TNK2: variants seen among roughly 807,000 people sequenced by gnomAD.
TNK2 encodes the protein activated CDC42 kinase 1.
In TNK2, 83 loss-of-function variants were observed where a neutral mutation model predicts 101.8. The ratio of observed to expected loss-of-function variants is 0.82; its 90% CI spans 0.68 to 0.98. TNK2 has a LOEUF of 0.98. Ranked by LOEUF, TNK2 falls within the 50% of genes least tolerant of loss-of-function variation. The probability of loss-of-function intolerance (pLI) is 0.00; values close to 1 mark genes in which losing one functional copy is unlikely to be tolerated. For synonymous variants in TNK2, 804 were observed against 633.0 expected (o/e 1.27, Z -4.06); for missense variants, 1,665 against 1,483.2 (o/e 1.12, Z -2.01).
chr3:195,874,525 A>C (rs1450810481), intron 9 of TNK2, among the ~76,000 whole-genome samples: 1 of 150,796 alleles, frequency 6.6e-6, no homozygotes, highest in East Asian at 2.0e-4. Context: ...ACTCCGAGGC[A>C]CAAGAAACTC....
Position 195,892,500 on chromosome 3 carries a change from G to A in TNK2, c.-18-3894C>T, listed in dbSNP as rs185496525. 3.3e-4 allele frequency: 499 copies of A among 1,535,208 alleles called. 4 individuals are homozygous for A. In the Middle Eastern group the frequency reaches 7.8e-3, roughly 24 times the overall value. ...CGTGCTGCCGGCATCTCCACGCAGCGGGACCCCCCCGAGCAGTCACTGGGG... is the reference window on the plus strand; with the variant it reads ...CGTGCTGCCGGCATCTCCACGCAGCAGGACCCCCCCGAGCAGTCACTGGGG... On this transcript the variant is annotated intron_variant, in intron 1 of 15. Transcript: ENST00000672887.
Position 195,867,728 on chromosome 3 carries a change from G to A in TNK2, c.2570C>T (p.Pro857Leu), listed in dbSNP as rs1741869867. 1 of 1,604,450 alleles carries A rather than the reference G, an allele frequency of 6.2e-7. No homozygotes were observed. The highest frequency in any genetic ancestry group is 8.5e-7 in the Non-Finnish European group (1 of 1,176,576). ...ATCCCGGACGATGGGCAGGATGCAG[G>A]GACCAGCCCGCGGGCCAGGGGCCTG... is the stretch of plus-strand genomic sequence containing the variant. Reference protein sequence around the residue: ...VIQAPGPRAGPCILPIVRDGK... With the variant: ...VIQAPGPRAGLCILPIVRDGK... The change falls in exon 13 of 16, where the codon CCC (proline) becomes CTC (leucine). Residue 857 changes from proline (P) to leucine (L), a missense_variant. Physicochemically the swap from Pro to Leu is moderately conservative, Grantham distance 98 (BLOSUM62 -3). Transcript: ENST00000672887.
At chr3:195,895,614 G>A in intron 1 of TNK2, 1 of 1,293,832 alleles carries the variant, frequency 7.7e-7, no homozygotes, top group Non-Finnish European at 9.8e-7. Flanking sequence ...GCCCCGGGCT[G>A]ACCCCCACCG....
Position 195,879,058 on chromosome 3 carries a change from G to T in TNK2, c.1005C>A (p.Asn335Lys), listed in dbSNP as rs55701110. Residue 335 changes from asparagine to lysine, a missense_variant, in exon 7 of 16, where the codon AAC (asparagine) becomes AAA (lysine). Coordinates refer to ENST00000672887, the MANE Select transcript of TNK2 (RefSeq NM_001382273.1). The part of the protein sequence containing the change: ...TYGQEPWIGL[N>K]GSQILHKIDK... ...GTCTCCCAGCCCTCACCTGACTGCC[G>T]TTGAGGCCGATCCAGGGCTCCTGGC... 6.2e-7 allele frequency: 1 copy of T among 1,613,504 alleles called. No individual in the cohort carries two copies.
At chr3:195,891,631 G>A (rs569874273) in intron 1 of TNK2, among the ~76,000 whole-genome samples, 3 of 151,958 alleles carry the variant, frequency 2.0e-5, no homozygotes, top group East Asian at 1.9e-4. Flanking sequence ...CACGGCCACC[G>A]CTGCCCTGTC....
In TNK2 at chr3:195,885,551, G is replaced by T; in HGVS notation, c.235-518C>A. On this transcript the variant is annotated intron_variant, in intron 3 of 15. Coordinates refer to ENST00000672887, the MANE Select transcript of TNK2 (RefSeq NM_001382273.1). The surrounding 1 kb of genome is among the most constrained non-coding windows in gnomAD (Gnocchi z 4.7). Reference sequence around the variant, plus strand: ...AGTCGGCTGCCCTTCATCCTGCCCAGGGGAGAGGATAATTTTAGTCTGAGG... The same window carrying T: ...AGTCGGCTGCCCTTCATCCTGCCCATGGGAGAGGATAATTTTAGTCTGAGG... 7.7e-7 allele frequency: 1 copy of T among 1,291,210 alleles called. No homozygotes were observed. Among genetic ancestry groups the T allele is most frequent in the Non-Finnish European group, 1.0e-6 (1 of 989,838 alleles). 80.0% of individuals were successfully genotyped at this position (1,291,210 alleles called of 1,614,324 possible).
chr3:195,869,621 G>T, intron 11 of TNK2, 80 bp from the exon 12 acceptor site: 1 of 1,390,226 alleles, frequency 7.2e-7, no homozygotes, highest in Non-Finnish European at 9.9e-7. Context: ...CGGACGAGAG[G>T]GCAGAGTGTA....
intron 1 of TNK2, chr3:195,892,728 C>T: frequency 1.5e-6 from 2 of 1,375,498 alleles, no homozygotes; most frequent in African/African-American, 1.5e-5. Flanking sequence ...CTGTTTCTGT[C>T]TTCTCTCCAG....
chr3:195,888,690 C>G lies in TNK2; in HGVS notation c.-18-84G>C. 1 of 1,337,642 alleles carries G rather than the reference C, an allele frequency of 7.5e-7. No individual in the cohort carries two copies. Among genetic ancestry groups the G allele is most frequent in the Non-Finnish European group, 1.0e-6 (1 of 993,374 alleles). The allele number at this position is 1,337,642 out of a possible 1,614,324, so 82.9% of individuals were successfully genotyped here. A position where few individuals can be genotyped will look rare whatever the true frequency, so the allele number is the denominator to read the frequency against. ...CGAGTGACCTGGGCTCACCTTCATC[C>G]CACTACACGGCCACCCGGAAGGGCT... On this transcript the variant is annotated intron_variant, in intron 1 of 15. Transcript: ENST00000672887. The surrounding 1 kb of genome is among the most constrained non-coding windows in gnomAD (Gnocchi z 5.3).
intron 1 of TNK2, among the ~76,000 whole-genome samples, chr3:195,904,718 A>T (rs572777728): frequency 6.6e-6 from 1 of 152,342 alleles, no homozygotes; most frequent in South Asian, 2.1e-4. Flanking sequence ...AAAATAAAAA[A>T]CCAATACTAC....
chr3:195,882,198 C>T lies in TNK2; in HGVS notation c.740G>A (p.Arg247His), dbSNP rs148932803. 1.7e-4 allele frequency: 268 copies of T among 1,613,778 alleles called. No homozygotes were observed. Among genetic ancestry groups the T allele is most frequent in the Middle Eastern group, 4.9e-4 (3 of 6,084 alleles). The change falls in exon 6 of 16, where the codon CGC becomes CAC. Residue 247 changes from arginine to histidine, a missense_variant. Arg to His is a conservative substitution (Grantham distance 29). This residue lies in a region of TNK2 where 490 missense variants were observed against 522.5 expected (regional missense o/e 0.94). Coordinates refer to ENST00000672887, the MANE Select transcript of TNK2 (RefSeq NM_001382273.1). The surrounding 1 kb of genome is among the most constrained non-coding windows in gnomAD (Gnocchi z 4.2). ...AEGMGYLESK[R>H]FIHRDLAARN... ...GGCAGCCAGGTCACGGTGAATAAAG[C>T]GCTTGGACTCCAGGTAGCCCATGCC... is the stretch of plus-strand genomic sequence containing the variant.
chr3:195,886,641 C>T lies in TNK2; in HGVS notation c.234+336G>A, dbSNP rs555034897. Among the ~76,000 whole-genome samples, 3 of 152,262 alleles carry T rather than the reference C, an allele frequency of 2.0e-5. No individual in the cohort carries two copies. In the East Asian group the frequency reaches 5.8e-4, roughly 29 times the overall value. On this transcript the variant is annotated intron_variant, in intron 3 of 15. Coordinates refer to ENST00000672887, the MANE Select transcript of TNK2 (RefSeq NM_001382273.1). The surrounding 1 kb of genome is among the most constrained non-coding windows in gnomAD (Gnocchi z 4.2). ...GGGTCCAGACAGGTCCACCACCCCACGCTGGACACTGGCCCCAACGCTCAG... is the reference window on the plus strand; with the variant it reads ...GGGTCCAGACAGGTCCACCACCCCATGCTGGACACTGGCCCCAACGCTCAG...
chr3:195,870,285 C>A, intron 10 of TNK2, 80 bp from the exon 11 acceptor site: 1 of 1,578,602 alleles, frequency 6.3e-7, no homozygotes. Flanking sequence ...CCCCTTCGTC[C>A]TGGAGGAAAC....
chr3:195,883,114 G>C lies in TNK2; in HGVS notation c.609+43C>G, dbSNP rs374820359. Reference sequence around the variant, plus strand: ...GGAACCGAACCACACATATGGGACCGGAGCCCTCTCCCTGCCCGCCCCCTC... The same window carrying C: ...GGAACCGAACCACACATATGGGACCCGAGCCCTCTCCCTGCCCGCCCCCTC... On this transcript the variant is annotated intron_variant, in intron 5 of 15. Coordinates refer to ENST00000672887, the MANE Select transcript of TNK2 (RefSeq NM_001382273.1). The C allele has an allele frequency of 1.9e-6, 3 of 1,593,720 alleles. No homozygotes were observed. In the African/African-American group the frequency reaches 4.0e-5, roughly 21 times the overall value.
At chr3:195,890,474 T>G (rs1213819049) in intron 1 of TNK2, among the ~76,000 whole-genome samples, 2 of 124,716 alleles carry the variant, frequency 1.6e-5, no homozygotes, top group African/African-American at 6.2e-5. Context: ...TTTTTTTTTT[T>G]GAGACAGAGT....
chr3:195,877,069 G>A (rs920406794), intron 9 of TNK2, among the ~76,000 whole-genome samples: 10 of 152,098 alleles, frequency 6.6e-5, no homozygotes, highest in African/African-American at 2.2e-4. Context: ...TACTTCCAGG[G>A]GACCCCCCCA....
chr3:195,882,365 G>A lies in TNK2; in HGVS notation c.610-37C>T, dbSNP rs530189589. On this transcript the variant is annotated intron_variant, in intron 5 of 15. Transcript: ENST00000672887. This position sits in a 1 kb window ranked among gnomAD's most constrained non-coding sequence, Gnocchi z 4.2. ...GAGGAGGCAGGAGGAATGAGCTGGA[G>A]GACCCTGCCCCTTCTCAGCAGCCCA... The A allele has an allele frequency of 1.2e-6, 2 of 1,606,024 alleles. No individual in the cohort carries two copies. The highest frequency in any genetic ancestry group is 1.3e-5 in the African/African-American group (1 of 74,870).
rs995680046 is a variant in TNK2 at position 195,875,981 on chromosome 3, C to T, written c.1256+2272G>A. Reference sequence around the variant, plus strand: ...CTAATGCCGGACATTCTGTTCAAAACGCCCGCCCGCTCTTCTCCCTAGGGG... The same window carrying T: ...CTAATGCCGGACATTCTGTTCAAAATGCCCGCCCGCTCTTCTCCCTAGGGG... On this transcript the variant is annotated intron_variant, in intron 9 of 15. Transcript: ENST00000672887. Among the ~76,000 whole-genome samples, 6 of 152,198 alleles carry T rather than the reference C, an allele frequency of 3.9e-5. No homozygotes were observed. The South Asian group carries it at 6.2e-4, about 16-fold the overall frequency.
At position 195,868,489 on chromosome 3, in the gene TNK2, G is replaced by C. The variant is rs748303339; in HGVS notation, c.1809C>G (p.Ser603=). Residue 603 remains serine (S), a synonymous_variant, in exon 13 of 16, where the codon TCC becomes TCG. Coordinates refer to ENST00000672887, the MANE Select transcript of TNK2 (RefSeq NM_001382273.1). ...VVPALRPCAP[S]LAQLAMDACS... ...AGGCGTCCATGGCCAGCTGCGCCAG[G>C]GAGGGCGCGCAGGGCCGTAGGGCCG... The C allele has an allele frequency of 1.3e-4, 201 of 1,549,780 alleles. No homozygotes were observed. The East Asian group carries it at 3.8e-3, about 29-fold the overall frequency.
Sources: gnomAD v4.1 joint callset for allele counts (sites outside exome capture counted in the v4.1 genomes callset) on GRCh38, gnomAD v4.1.1 for gene constraint, gnomAD v4.1.1 regional missense constraint, Gnocchi (gnomAD v3.1) non-coding constraint, MANE v1.5 for transcripts, NCBI Gene and HGNC (gene_info 2026-07-23, HGNC 2026-07-21) for gene names.